The following CSMD1 variants were observed in gnomAD, a reference collection of about 807,000 sequenced individuals.
The protein encoded by CSMD1 is CUB and sushi domain-containing protein 1.
CSMD1 carries 213 observed loss-of-function variants against 417.5 expected under a neutral mutation model. The observed-to-expected ratio is 0.51, with a 90% confidence interval of 0.46 to 0.57. The LOEUF (loss-of-function observed/expected upper bound fraction) is 0.57, where lower values mean the gene tolerates loss of function less well. CSMD1 is among the 20% of genes least tolerant of loss of function. CSMD1 has a pLI of 0.00. For missense variants in CSMD1, 6,923 were observed against 4,529.7 expected (o/e 1.53, Z -15.17); for synonymous variants, 2,862 against 1,736.8 (o/e 1.65, Z -16.11).
At chr8:4,189,127 G>A (rs1798864949) in intron 3 of CSMD1, among the ~76,000 whole-genome samples, 1 of 152,208 alleles carries the variant, frequency 6.6e-6, no homozygotes, top group African/African-American at 2.4e-5. Context: ...AACATGCCCT[G>A]TAAACCAAGT....
At chr8:3,940,692 T>C (rs1347986737) in intron 5 of CSMD1, among the ~76,000 whole-genome samples, 2 of 152,052 alleles carry the variant, frequency 1.3e-5, no homozygotes, top group African/African-American at 4.8e-5. Context: ...CATACCTACA[T>C]TGCTTTTTAT....
intron 41 of CSMD1, among the ~76,000 whole-genome samples, chr8:3,139,534 A>G (rs1585449691): frequency 6.6e-6 from 1 of 152,202 alleles, no homozygotes; most frequent in Non-Finnish European, 1.5e-5. Context: ...TCTTGTCGAT[A>G]GAAGACCCCA....
rs182741572 is a variant in CSMD1, at chr8:4,102,188, G to C, written c.416-70089C>G. 4.4e-3 allele frequency among the ~76,000 whole-genome samples: 671 copies of C among 152,234 alleles called. 2 individuals are homozygous for C. The highest frequency in any genetic ancestry group is 6.8e-3 in the Non-Finnish European group (465 of 68,012). ...CTGGTTTTGTTTTTCTGTGTTAAATGCTTTATTGTCTCTTTTGTAATTTAG... is the reference window on the plus strand; with the variant it reads ...CTGGTTTTGTTTTTCTGTGTTAAATCCTTTATTGTCTCTTTTGTAATTTAG... On this transcript the variant is annotated intron_variant, in intron 3 of 69. Transcript: ENST00000635120.
At chr8:4,371,157 G>A (rs557694922) in intron 3 of CSMD1, among the ~76,000 whole-genome samples, 1 of 152,242 alleles carries the variant, frequency 6.6e-6, no homozygotes, top group African/African-American at 2.4e-5. Context: ...GGGTATAGCT[G>A]AATGACTTTA....
chr8:4,927,149 C>G lies in CSMD1; in HGVS notation c.85+67183G>C, dbSNP rs142605712. ...AAGATAGACACTCACTCTGTTGCAC[C>G]AGGCTGGAGTGCAATGGCACAATCT... On this transcript the variant is annotated intron_variant, in intron 1 of 69. Coordinates refer to ENST00000635120, the MANE Select transcript of CSMD1 (RefSeq NM_033225.6). Among the ~76,000 whole-genome samples, 1,209 of 150,866 alleles carry G rather than the reference C, an allele frequency of 8.0e-3. 12 individuals are homozygous for G. The highest frequency in any genetic ancestry group is 0.027 in the African/African-American group (1,128 of 41,134).
At chr8:3,322,576 G>A (rs1009316156) in intron 23 of CSMD1, among the ~76,000 whole-genome samples, 3 of 152,126 alleles carry the variant, frequency 2.0e-5, no homozygotes, top group Non-Finnish European at 4.4e-5. Context: ...TCCCTCAGTT[G>A]GTTTCATTGG....
chr8:4,054,011 C>T (rs17068799), intron 3 of CSMD1, among the ~76,000 whole-genome samples: 15 of 152,024 alleles, frequency 9.9e-5, no homozygotes, highest in Admixed American at 5.2e-4. Flanking sequence ...TAATTGTTTT[C>T]CCCAACATGG....
At chr8:4,073,576 G>A (rs936495997) in intron 3 of CSMD1, among the ~76,000 whole-genome samples, 2 of 152,060 alleles carry the variant, frequency 1.3e-5, no homozygotes, top group Non-Finnish European at 2.9e-5. Context: ...TACAGTATGA[G>A]GGATATATTC....
chr8:2,998,451 CT>C (rs1282605866), intron 53 of CSMD1, among the ~76,000 whole-genome samples: 3 of 152,166 alleles, frequency 2.0e-5, no homozygotes, highest in African/African-American at 7.2e-5. Context: ...TATTATTTCT[CT>C]CTTGAATCAT....
intron 1 of CSMD1, among the ~76,000 whole-genome samples, chr8:4,751,665 T>G (rs1016242401): frequency 3.9e-5 from 6 of 152,142 alleles, no homozygotes; most frequent in Non-Finnish European, 8.8e-5. Context: ...TGAATTATTT[T>G]AACATTTTTA....
chr8:4,113,390 CTTT>C (rs59647790), intron 3 of CSMD1, among the ~76,000 whole-genome samples: 19,215 of 80,774 alleles, frequency 0.24, 2,367 homozygotes, highest in East Asian at 0.34. Context: ...AATAAAAGGG[CTTT>C]TTTTTTTTTT....
intron 2 of CSMD1, among the ~76,000 whole-genome samples, chr8:4,562,627 C>T (rs1043471005): frequency 7.9e-5 from 12 of 152,002 alleles, no homozygotes; most frequent in African/African-American, 2.9e-4. Context: ...AAATTTAGGA[C>T]ACATCAGAAA....
At chr8:4,189,136 G>C (rs1700092) in intron 3 of CSMD1, among the ~76,000 whole-genome samples, 21,555 of 152,198 alleles carry the variant, frequency 0.14, 1,667 homozygotes, top group East Asian at 0.24. Flanking sequence ...TGTAAACCAA[G>C]TTTGTGAGTC....
chr8:4,761,278 A>G (rs1462326915), intron 1 of CSMD1, among the ~76,000 whole-genome samples: 1 of 152,178 alleles, frequency 6.6e-6, no homozygotes, highest in Non-Finnish European at 1.5e-5. Context: ...AAGCATGGTC[A>G]GTGTAAAATG....
intron 5 of CSMD1, among the ~76,000 whole-genome samples, chr8:3,921,785 G>C (rs1170155501): frequency 5.3e-5 from 8 of 152,142 alleles, no homozygotes; most frequent in East Asian, 1.9e-4. Flanking sequence ...TTTGTTAAGA[G>C]TTGTTTTATG....
chr8:4,989,350 A>G (rs1265525503), intron 1 of CSMD1, among the ~76,000 whole-genome samples: 1 of 152,096 alleles, frequency 6.6e-6, no homozygotes, highest in African/African-American at 2.4e-5. Flanking sequence ...GGACTTGTTT[A>G]CCACTGCTGG....
intron 1 of CSMD1, among the ~76,000 whole-genome samples, chr8:4,814,124 A>G (rs1213986428): frequency 6.6e-6 from 1 of 152,232 alleles, no homozygotes; most frequent in Non-Finnish European, 1.5e-5. Flanking sequence ...GCCTCAGCCT[A>G]TTTCTTGGAA....
At position 3,117,172 on chromosome 8, in the gene CSMD1, G is replaced by A. The variant is rs185280298; in HGVS notation, c.6430+1227C>T. On this transcript the variant is annotated intron_variant, in intron 42 of 69. Coordinates refer to ENST00000635120, the MANE Select transcript of CSMD1 (RefSeq NM_033225.6). ...TGCAACCTCAGCCTCCTGGGTTCCC[G>A]CCATTCTCCCACCTCAGCCTCTGGA... Among the ~76,000 whole-genome samples the A allele has an allele frequency of 3.3e-4, 50 of 152,124 alleles. No individual in the cohort carries two copies. In the South Asian group the frequency reaches 7.3e-3, roughly 22 times the overall value.
intron 5 of CSMD1, among the ~76,000 whole-genome samples, chr8:3,994,551 A>C (rs1815053101): frequency 6.6e-6 from 1 of 152,098 alleles, no homozygotes; most frequent in African/African-American, 2.4e-5. Flanking sequence ...AAGTGAACTC[A>C]AAATGGCAAC....
Sources: allele counts gnomAD v4.1 joint callset (sites outside exome capture counted in the v4.1 genomes callset), GRCh38; gene constraint gnomAD v4.1.1; transcripts MANE v1.5; gene names NCBI Gene and HGNC (gene_info 2026-07-23, HGNC 2026-07-21).